Variants in GLIS3 observed in about 807,000 individuals in gnomAD.
The protein encoded by GLIS3 is zinc finger protein GLIS3.
In GLIS3, 53 loss-of-function variants were observed where a neutral mutation model predicts 78.6. The ratio of observed to expected loss-of-function variants is 0.67; its 90% CI spans 0.54 to 0.85. The LOEUF (loss-of-function observed/expected upper bound fraction) is 0.85. Ranked by LOEUF, GLIS3 falls within the 40% of genes least tolerant of loss-of-function variation. The pLI, the probability that GLIS3 is intolerant of heterozygous loss-of-function variation, is 0.00. For synonymous variants in GLIS3, 684 were observed against 509.9 expected (o/e 1.34, Z -4.60); for missense variants, 1,703 against 1,231.1 (o/e 1.38, Z -5.74).
At chr9:4,396,768 C>A in the GLIS3 span, among the ~76,000 whole-genome samples, 1 of 152,152 alleles carries the variant, frequency 6.6e-6, no homozygotes, top group African/African-American at 2.4e-5. Context: ...CCTCGTTAGT[C>A]CTTTCATGGA....
chr9:4,154,251 C>T (rs1453501803), intron 2 of GLIS3, among the ~76,000 whole-genome samples: 1 of 152,178 alleles, frequency 6.6e-6, no homozygotes, highest in East Asian at 1.9e-4. Context: ...GAGAAATAGA[C>T]TCCATCTCTT....
intron 2 of GLIS3, among the ~76,000 whole-genome samples, chr9:4,281,479 C>G (rs1827545006): frequency 6.6e-6 from 1 of 152,340 alleles, no homozygotes; most frequent in African/African-American, 2.4e-5. Context: ...ACCACTCTTT[C>G]TGACTATATG....
At chr9:4,394,398 T>C in the GLIS3 span, among the ~76,000 whole-genome samples, 2 of 152,098 alleles carry the variant, frequency 1.3e-5, no homozygotes, top group African/African-American at 4.8e-5. Flanking sequence ...TATGGGGTGG[T>C]TGTGAGTCTT....
intron 2 of GLIS3, among the ~76,000 whole-genome samples, chr9:4,194,425 C>T (rs1309751408): frequency 1.1e-4 from 16 of 152,110 alleles, no homozygotes; most frequent in Non-Finnish European, 2.2e-4. Context: ...AAACTAGTAA[C>T]AAATATAAAC....
chr9:3,879,458 G>T lies in GLIS3; in HGVS notation c.2266C>A (p.Pro756Thr). ...SPHNPSSQLP[P>T]LTAVDAGAER... ...GCTCCTGCGTCCACAGCTGTGAGTGGAGGTAACTGGGAGGAGGGGTTGTGA... is the reference window on the plus strand; with the variant it reads ...GCTCCTGCGTCCACAGCTGTGAGTGTAGGTAACTGGGAGGAGGGGTTGTGA... The change falls in exon 8 of 11, where the codon CCA becomes ACA. Residue 756 changes from proline (P) to threonine (T), a missense_variant. Transcript: ENST00000381971. 6.2e-7 allele frequency: 1 copy of T among 1,614,142 alleles called. No homozygotes were observed. The highest frequency in any genetic ancestry group is 8.5e-7 in the Non-Finnish European group (1 of 1,180,012).
rs192583765 is a variant in GLIS3, at chr9:4,014,774, C to T, written c.1711-77585G>A. 1.3e-3 allele frequency among the ~76,000 whole-genome samples: 197 copies of T among 152,300 alleles called. 1 individual carries two copies. The highest frequency in any genetic ancestry group is 4.3e-3 in the African/African-American group (177 of 41,544). ...AGTACAGAAATCACCTCGTCCAATG[C>T]CTTCAAAGTGCAGATGTACACACTC... On this transcript the variant is annotated intron_variant, in intron 4 of 10. Transcript: ENST00000381971.
chr9:4,193,670 T>C (rs1159829557), intron 2 of GLIS3, among the ~76,000 whole-genome samples: 1 of 152,172 alleles, frequency 6.6e-6, no homozygotes, highest in Admixed American at 6.5e-5. Flanking sequence ...CTGTTTTGAA[T>C]AACTAGGGAA....
At chr9:4,284,756 A>G (rs1458664379) in intron 2 of GLIS3, among the ~76,000 whole-genome samples, 1 of 151,722 alleles carries the variant, frequency 6.6e-6, no homozygotes. Context: ...AAAAAAAAAA[A>G]AGAAAAAAAA....
At chr9:3,926,628 C>T (rs1041801169) in intron 6 of GLIS3, among the ~76,000 whole-genome samples, 1 of 150,914 alleles carries the variant, frequency 6.6e-6, no homozygotes, top group Non-Finnish European at 1.5e-5. Flanking sequence ...TCCTTCTTTT[C>T]TTTCTTTCTT....
chr9:4,168,687 G>A (rs1300132455), intron 2 of GLIS3, among the ~76,000 whole-genome samples: 1 of 152,168 alleles, frequency 6.6e-6, no homozygotes, highest in Non-Finnish European at 1.5e-5. Context: ...CTGGTTTTAT[G>A]AGTGTTGTAA....
the GLIS3 span, among the ~76,000 whole-genome samples, chr9:4,416,167 G>T: frequency 7.0e-6 from 1 of 142,858 alleles, no homozygotes; most frequent in Non-Finnish European, 1.5e-5. Context: ...CAAGAGGATC[G>T]CTTGAGCCCA....
rs545381442 is a variant in GLIS3 at position 4,206,885 on chromosome 9, C to G, written c.388+79153G>C. ...AATTCAGTGTAGATACTTGGCATATCGCGCTGGGAGGAAGGGGGGAGGACG... is the reference window on the plus strand; with the variant it reads ...AATTCAGTGTAGATACTTGGCATATGGCGCTGGGAGGAAGGGGGGAGGACG... On this transcript the variant is annotated intron_variant, in intron 2 of 10. Transcript: ENST00000381971. Among the ~76,000 whole-genome samples, 3 of 152,178 alleles carry G rather than the reference C, an allele frequency of 2.0e-5. No individual in the cohort carries two copies. The East Asian group carries it at 5.8e-4, about 30-fold the overall frequency.
At chr9:4,333,311 G>C (rs1022557942) in intron 2 of GLIS3, among the ~76,000 whole-genome samples, 1 of 149,298 alleles carries the variant, frequency 6.7e-6, no homozygotes. Flanking sequence ...AAAAGGAAGA[G>C]GAAAGCAAGG....
chr9:3,879,154 G>T (rs1170193183), intron 8 of GLIS3, among the ~76,000 whole-genome samples: 1 of 152,136 alleles, frequency 6.6e-6, no homozygotes, highest in Non-Finnish European at 1.5e-5. Context: ...CCGATGAAAG[G>T]TAGAAAGACA....
At chr9:4,172,803 T>C (rs1473612992) in intron 2 of GLIS3, among the ~76,000 whole-genome samples, 1 of 152,162 alleles carries the variant, frequency 6.6e-6, no homozygotes, top group East Asian at 1.9e-4. Flanking sequence ...GCAAGCTCCT[T>C]GCAAGCAAGG....
the GLIS3 span, among the ~76,000 whole-genome samples, chr9:4,399,673 T>C: frequency 1.3e-5 from 2 of 152,202 alleles, no homozygotes; most frequent in African/African-American, 4.8e-5. Flanking sequence ...CCTCAAGACT[T>C]TGTCCCTTTC....
At chr9:4,316,444 T>C (rs1817437766) in intron 2 of GLIS3, among the ~76,000 whole-genome samples, 1 of 152,244 alleles carries the variant, frequency 6.6e-6, no homozygotes, top group Admixed American at 6.5e-5. Flanking sequence ...GGTCCTTAAA[T>C]ATCATCATTT....
At chr9:4,086,839 T>A (rs1282277600) in intron 4 of GLIS3, among the ~76,000 whole-genome samples, 2 of 152,152 alleles carry the variant, frequency 1.3e-5, no homozygotes, top group Non-Finnish European at 2.9e-5. Flanking sequence ...CTTTTTCCCC[T>A]CAAGTCCCAC....
chr9:3,883,378 C>T (rs569073418), intron 7 of GLIS3, among the ~76,000 whole-genome samples: 19 of 152,266 alleles, frequency 1.2e-4, no homozygotes, highest in Non-Finnish European at 2.5e-4. Flanking sequence ...GAATATCTGC[C>T]GACTTCATAC....
Sources: allele counts gnomAD v4.1 joint callset (sites outside exome capture counted in the v4.1 genomes callset), GRCh38; gene constraint gnomAD v4.1.1; transcripts MANE v1.5; gene names NCBI Gene and HGNC (gene_info 2026-07-23, HGNC 2026-07-21).